Variants in PDE8B observed in about 807,000 individuals in gnomAD.
The protein encoded by PDE8B is high affinity cAMP-specific and IBMX-insensitive 3',5'-cyclic phosphodiesterase 8B.
A neutral mutation model predicts 101.3 loss-of-function variants in PDE8B; 26 were observed. The ratio of observed to expected loss-of-function variants is 0.26; its 90% confidence interval spans 0.19 to 0.36. The LOEUF is 0.36. PDE8B is among the 10% of genes least tolerant of loss of function. PDE8B has a pLI of 1.00. For synonymous variants in PDE8B, 424 were observed against 429.3 expected (o/e 0.99, Z 0.15); for missense variants, 810 against 1,163.1 (o/e 0.70, Z 4.42).
intron 1 of PDE8B, among the ~76,000 whole-genome samples, chr5:77,298,278 A>G (rs564802259): frequency 2.6e-5 from 4 of 152,236 alleles, no homozygotes; most frequent in African/African-American, 9.6e-5. Context: ...CAATCTTCAT[A>G]TATCTTCCTC....
intron 1 of PDE8B, among the ~76,000 whole-genome samples, chr5:77,231,903 T>C (rs1379858028): frequency 6.6e-6 from 1 of 152,192 alleles, no homozygotes; most frequent in Non-Finnish European, 1.5e-5. Context: ...CTCTCTCAGC[T>C]CTCATCCTGC....
At chr5:77,224,968 T>C (rs1405362889) in intron 1 of PDE8B, among the ~76,000 whole-genome samples, 1 of 152,186 alleles carries the variant, frequency 6.6e-6, no homozygotes, top group Non-Finnish European at 1.5e-5. Flanking sequence ...ATTTACTTTT[T>C]TTTTTGGGGA....
intron 1 of PDE8B, among the ~76,000 whole-genome samples, chr5:77,221,552 T>G (rs575383683): frequency 6.6e-6 from 1 of 152,224 alleles, no homozygotes; most frequent in Non-Finnish European, 1.5e-5. Context: ...TTTTCTGTGA[T>G]GCTAACTCTT....
At chr5:77,388,778 AG>A (rs1443520413) in intron 10 of PDE8B, among the ~76,000 whole-genome samples, 1 of 152,060 alleles carries the variant, frequency 6.6e-6, no homozygotes, top group African/African-American at 2.4e-5. Context: ...CCCAGAGAGG[AG>A]GAATCTAGAG....
At chr5:77,146,780 A>C in the PDE8B span, 3 of 321,014 alleles carry the variant, frequency 9.3e-6, no homozygotes, top group Non-Finnish European at 1.9e-5. Flanking sequence ...CTCGTTATGA[A>C]AGACAGATGA....
the PDE8B span, among the ~76,000 whole-genome samples, chr5:77,203,955 T>C: frequency 1.3e-5 from 2 of 151,832 alleles, no homozygotes; most frequent in South Asian, 4.2e-4. Flanking sequence ...TTAGGAAAGC[T>C]CACACTCATT....
At chr5:77,349,129 C>T (rs2150428232) in intron 7 of PDE8B, among the ~76,000 whole-genome samples, 1 of 152,102 alleles carries the variant, frequency 6.6e-6, no homozygotes, top group Admixed American at 6.5e-5. Context: ...TAGATGAGGG[C>T]TTCCTGTGTT....
At chr5:77,279,311 T>C (rs1448345986) in intron 1 of PDE8B, among the ~76,000 whole-genome samples, 2 of 152,186 alleles carry the variant, frequency 1.3e-5, no homozygotes, top group Non-Finnish European at 2.9e-5. Context: ...CTTAAGTAAA[T>C]TACTTTTATT....
the PDE8B span, among the ~76,000 whole-genome samples, chr5:77,161,195 A>C: frequency 6.6e-6 from 1 of 152,146 alleles, no homozygotes; most frequent in East Asian, 1.9e-4. Flanking sequence ...TATTTCTGTC[A>C]CCTCCAAAAG....
chr5:77,252,506 G>C (rs1008992725), intron 1 of PDE8B, among the ~76,000 whole-genome samples: 2 of 152,110 alleles, frequency 1.3e-5, no homozygotes, highest in African/African-American at 2.4e-5. Flanking sequence ...TCCTTATTGG[G>C]CACGTTGGTC....
chr5:77,099,045 C>T, the PDE8B span, among the ~76,000 whole-genome samples: 1 of 152,226 alleles, frequency 6.6e-6, no homozygotes, highest in African/African-American at 2.4e-5. Flanking sequence ...CCATCATCTT[C>T]TGCCATTTAT....
At chr5:77,195,924 C>T in the PDE8B span, among the ~76,000 whole-genome samples, 2 of 152,230 alleles carry the variant, frequency 1.3e-5, no homozygotes, top group Middle Eastern at 3.4e-3. Flanking sequence ...AGAAAATCTG[C>T]GTGTAAGTGG....
At chr5:77,256,056 A>G (rs1229606568) in intron 1 of PDE8B, among the ~76,000 whole-genome samples, 2 of 152,092 alleles carry the variant, frequency 1.3e-5, no homozygotes, top group African/African-American at 2.4e-5. Flanking sequence ...AGAGATTCGA[A>G]TTTAGGCAGT....
intron 2 of PDE8B, among the ~76,000 whole-genome samples, chr5:77,317,530 G>A (rs1431700846): frequency 6.6e-6 from 1 of 152,214 alleles, no homozygotes; most frequent in Non-Finnish European, 1.5e-5. Flanking sequence ...GAAGTGCAGA[G>A]TGGTGCTGTG....
intron 13 of PDE8B, among the ~76,000 whole-genome samples, chr5:77,407,939 G>A (rs139760202): frequency 4.6e-5 from 7 of 152,284 alleles, no homozygotes; most frequent in Admixed American, 4.6e-4. Context: ...TGGACAGCAG[G>A]GACATAGTTA....
In PDE8B at chr5:77,324,234, T is replaced by C. The variant is rs548854436; in HGVS notation, c.400-1305T>C. 2.2e-3 allele frequency among the ~76,000 whole-genome samples: 334 copies of C among 152,344 alleles called. 4 individuals are homozygous for C. Among genetic ancestry groups the C allele is most frequent in the African/African-American group, 7.8e-3 (324 of 41,566 alleles). On this transcript the variant is annotated intron_variant, in intron 2 of 21. Transcript: ENST00000264917. Reference sequence around the variant, plus strand: ...TAGATCTATTGCTGGGAGGTGGTTTTACATGTTATTCATAGTAAAGCCCTC... The same window carrying C: ...TAGATCTATTGCTGGGAGGTGGTTTCACATGTTATTCATAGTAAAGCCCTC...
At chr5:77,124,984 GT>G in the PDE8B span, among the ~76,000 whole-genome samples, 1 of 152,088 alleles carries the variant, frequency 6.6e-6, no homozygotes, top group Non-Finnish European at 1.5e-5. Flanking sequence ...TTTTCACGTT[GT>G]TTTGTTTCAC....
chr5:77,109,438 C>T, the PDE8B span, among the ~76,000 whole-genome samples: 8 of 152,218 alleles, frequency 5.3e-5, no homozygotes, highest in Admixed American at 1.3e-4. Flanking sequence ...GTCTTGTCCT[C>T]AGCTGTTTGA....
chr5:77,189,714 G>A, the PDE8B span, among the ~76,000 whole-genome samples: 2 of 152,158 alleles, frequency 1.3e-5, no homozygotes, highest in Admixed American at 1.3e-4. Context: ...GGGCAGAGAG[G>A]TTGTGGAGAG....
Sources: allele counts gnomAD v4.1 joint callset (sites outside exome capture counted in the v4.1 genomes callset), GRCh38; gene constraint gnomAD v4.1.1; transcripts MANE v1.5; gene names NCBI Gene and HGNC (gene_info 2026-07-23, HGNC 2026-07-21).